SUGCT: variants seen among roughly 807,000 people sequenced by gnomAD.
The protein encoded by SUGCT is succinyl-CoA:glutarate CoA-transferase.
A neutral mutation model predicts 55.0 loss-of-function variants in SUGCT; 41 were observed. The ratio of observed to expected loss-of-function variants is 0.74; its 90% CI spans 0.58 to 0.97. The LOEUF (loss-of-function observed/expected upper bound fraction) is 0.97. SUGCT is among the 50% of genes least tolerant of loss of function. SUGCT has a pLI of 0.00. For missense variants in SUGCT, 568 were observed against 547.8 expected (o/e 1.04, Z -0.37); for synonymous variants, 187 against 200.4 (o/e 0.93, Z 0.56).
At position 40,683,834 on chromosome 7, in the gene SUGCT, A is replaced by C. The variant is rs116302744; in HGVS notation, c.1090-65600A>C. ...TTATTGCCATCACAAAGTTCCAGAA[A>C]TGTCATGGCTTTAAACAAAACAAAT... On this transcript the variant is annotated intron_variant, in intron 12 of 13. Coordinates refer to ENST00000335693, the MANE Select transcript of SUGCT (RefSeq NM_001193313.2). Among the ~76,000 whole-genome samples, 1,147 of 152,368 alleles carry C rather than the reference A, an allele frequency of 7.5e-3. 10 individuals carry two copies. The highest frequency in any genetic ancestry group is 0.026 in the African/African-American group (1,071 of 41,588).
At chr7:40,289,754 C>T (rs1182585529) in intron 8 of SUGCT, among the ~76,000 whole-genome samples, 4 of 152,072 alleles carry the variant, frequency 2.6e-5, no homozygotes, top group Non-Finnish European at 4.4e-5. Context: ...ATCTAGAAAA[C>T]CCCATTGTCT....
At chr7:40,586,881 C>T (rs186968541) in intron 12 of SUGCT, among the ~76,000 whole-genome samples, 11 of 152,232 alleles carry the variant, frequency 7.2e-5, no homozygotes, top group Non-Finnish European at 1.3e-4. Context: ...AGGAAATAGC[C>T]TAAATGTCTT....
chr7:40,481,086 GGGAGGATTGCTTGAAGCCA>G (rs1231161644), intron 11 of SUGCT, among the ~76,000 whole-genome samples: 2 of 152,142 alleles, frequency 1.3e-5, no homozygotes, highest in Non-Finnish European at 2.9e-5. Flanking sequence ...AGGTTGAGGT[GGGAGGATTGCTTGAAGCCA>G]GGAGGATTGC....
chr7:40,972,236 AC>A, the SUGCT span, among the ~76,000 whole-genome samples: 1 of 152,232 alleles, frequency 6.6e-6, no homozygotes, highest in Non-Finnish European at 1.5e-5. Context: ...GTATCTATGT[AC>A]CACAATTAAC....
At chr7:40,854,419 C>CTTTCCTTTCTTT (rs200586474) in intron 13 of SUGCT, among the ~76,000 whole-genome samples, 175 of 88,800 alleles carry the variant, frequency 2.0e-3, no homozygotes, top group African/African-American at 3.4e-3. Flanking sequence ...TTCTTTCTTT[C>CTTTCCTTTCTTT]CTTTCTTTCT....
intron 12 of SUGCT, among the ~76,000 whole-genome samples, chr7:40,595,288 G>T (rs1475216529): frequency 1.3e-5 from 2 of 152,142 alleles, no homozygotes; most frequent in Non-Finnish European, 2.9e-5. Context: ...GATGCTGAAG[G>T]CCACATTCTT....
the SUGCT span, among the ~76,000 whole-genome samples, chr7:40,942,883 A>G: frequency 6.6e-6 from 1 of 151,952 alleles, no homozygotes; most frequent in South Asian, 2.1e-4. Context: ...GTAATTCCCT[A>G]AATGTGTCTT....
At chr7:40,541,687 G>A (rs1027392317) in intron 12 of SUGCT, among the ~76,000 whole-genome samples, 3 of 152,182 alleles carry the variant, frequency 2.0e-5, no homozygotes, top group Non-Finnish European at 4.4e-5. Flanking sequence ...ATATATTAGA[G>A]TAGTTTCCTG....
chr7:40,972,283 T>G, the SUGCT span, among the ~76,000 whole-genome samples: 1 of 152,238 alleles, frequency 6.6e-6, no homozygotes, highest in Non-Finnish European at 1.5e-5. Flanking sequence ...GTTAATGTCC[T>G]TGTTTTTACG....
At chr7:40,996,750 C>T in the SUGCT span, among the ~76,000 whole-genome samples, 1 of 152,176 alleles carries the variant, frequency 6.6e-6, no homozygotes, top group Non-Finnish European at 1.5e-5. Context: ...CTTCAGCTCC[C>T]AATTTAAAGT....
At chr7:40,499,150 C>T (rs1792149819) in intron 12 of SUGCT, 1 of 456,078 alleles carries the variant, frequency 2.2e-6, no homozygotes, top group Non-Finnish European at 4.4e-6. Flanking sequence ...GCTGTGCCAG[C>T]ACAGCTGCTA....
At chr7:40,605,291 A>G (rs1798468431) in intron 12 of SUGCT, among the ~76,000 whole-genome samples, 1 of 152,226 alleles carries the variant, frequency 6.6e-6, no homozygotes, top group Admixed American at 6.5e-5. Flanking sequence ...TGCTCTGATG[A>G]CATTCAGTTC....
intron 12 of SUGCT, among the ~76,000 whole-genome samples, chr7:40,595,058 T>C (rs1584086059): frequency 6.6e-6 from 1 of 152,182 alleles, no homozygotes; most frequent in South Asian, 2.1e-4. Context: ...AGAAAAAAAA[T>C]AATTCTCTGT....
chr7:40,201,429 G>A (rs1313788840), intron 6 of SUGCT, among the ~76,000 whole-genome samples: 1 of 152,146 alleles, frequency 6.6e-6, no homozygotes, highest in Non-Finnish European at 1.5e-5. Context: ...AACCCTCATA[G>A]TCAAAACAAT....
intron 9 of SUGCT, among the ~76,000 whole-genome samples, chr7:40,415,132 G>A (rs1002187966): frequency 8.2e-5 from 12 of 146,486 alleles, no homozygotes; most frequent in African/African-American, 1.3e-4. Context: ...TTAGCGGGGC[G>A]TGGTGGCAGG....
chr7:40,304,940 A>G (rs1794770150), intron 8 of SUGCT, among the ~76,000 whole-genome samples: 1 of 152,168 alleles, frequency 6.6e-6, no homozygotes, highest in African/African-American at 2.4e-5. Flanking sequence ...TTCTGACTTC[A>G]GGGAAGGTTT....
intron 12 of SUGCT, among the ~76,000 whole-genome samples, chr7:40,607,910 A>G (rs1362713027): frequency 1.3e-5 from 2 of 152,208 alleles, no homozygotes; most frequent in African/African-American, 4.8e-5. Flanking sequence ...TGCTGCTCAC[A>G]TTCTTAACTA....
intron 7 of SUGCT, among the ~76,000 whole-genome samples, chr7:40,239,755 A>G (rs1789251207): frequency 6.6e-6 from 1 of 152,206 alleles, no homozygotes; most frequent in Non-Finnish European, 1.5e-5. Context: ...GTTCTAGGTG[A>G]GCAAATAACA....
intron 13 of SUGCT, among the ~76,000 whole-genome samples, chr7:40,788,952 C>T (rs1484211681): frequency 1.3e-5 from 2 of 152,170 alleles, no homozygotes; most frequent in Admixed American, 1.3e-4. Flanking sequence ...CTCCTGGCTG[C>T]CATATTTGTC....
Sources: allele counts gnomAD v4.1 joint callset (sites outside exome capture counted in the v4.1 genomes callset), GRCh38; gene constraint gnomAD v4.1.1; transcripts MANE v1.5; gene names NCBI Gene and HGNC (gene_info 2026-07-23, HGNC 2026-07-21).